Variants in FPGS observed in about 807,000 individuals in gnomAD.
The protein encoded by FPGS is folylpolyglutamate synthase, mitochondrial.
In FPGS, 53 loss-of-function variants were observed where a neutral mutation model predicts 66.5. That is an observed-to-expected ratio of 0.80 (90% CI 0.64 to 1.00). The LOEUF (loss-of-function observed/expected upper bound fraction) is 1.00, where lower values mean the gene tolerates loss of function less well. FPGS is among the 50% of genes least tolerant of loss of function. The probability of loss-of-function intolerance (pLI) is 0.00; values close to 1 mark genes in which losing one functional copy is unlikely to be tolerated. For missense variants in FPGS, 702 were observed against 807.7 expected (o/e 0.87, Z 1.59); for synonymous variants, 348 against 350.9 (o/e 0.99, Z 0.09).
intron 4 of FPGS, 106 bp downstream of exon 4, chr9:127,804,806 C>A: frequency 2.0e-6 from 2 of 996,656 alleles, no homozygotes; most frequent in Non-Finnish European, 1.6e-6. Context: ...AGGTCAGCTG[C>A]ATGTCTCTCT....
In FPGS at chr9:127,807,096, T is replaced by C. The variant is rs375239938; in HGVS notation, c.501+9T>C. On this transcript the variant is annotated intron_variant, in intron 5 of 14. Coordinates refer to ENST00000373247, the MANE Select transcript of FPGS (RefSeq NM_004957.6). This position sits in a 1 kb window ranked among gnomAD's most constrained non-coding sequence, Gnocchi z 5.8. ...GGCTGGAGGAGACCAAGGTGCCGCA[T>C]GCAGGAGGGCTGGCGGGTGGGTATG... The C allele has an allele frequency of 1.8e-5, 29 of 1,612,858 alleles. No homozygotes were observed. The highest frequency in any genetic ancestry group is 2.3e-5 in the Non-Finnish European group (27 of 1,178,872).
intron 14 of FPGS, among the ~76,000 whole-genome samples, chr9:127,812,479 C>T (rs551600473): frequency 2.6e-5 from 4 of 151,746 alleles, no homozygotes; most frequent in East Asian, 3.9e-4. Context: ...TACAGGTGCA[C>T]GCCACTACAC....
rs866916080 is a variant in FPGS, at chr9:127,810,980, C to T, written c.1323C>T (p.Asn441=). 2.8e-5 allele frequency: 44 copies of T among 1,590,132 alleles called. 4 individuals carry two copies. The Middle Eastern group carries it at 6.7e-3, about 241-fold the overall frequency. ...CQFDYAVFCP[N]LTEVSSTGNA... ...TTGACTATGCCGTCTTCTGCCCTAA[C>T]CTGACAGAGGTGTCATCCACAGGCA... Residue 441 remains asparagine (N), a synonymous_variant, in exon 14 of 15, where the codon AAC becomes AAT. Coordinates refer to ENST00000373247, the MANE Select transcript of FPGS (RefSeq NM_004957.6).
rs973692551 is a variant in FPGS, at chr9:127,804,297, A to G, written c.151A>G (p.Met51Val). ...PSMEYQDAVR[M>V]LNTLQTNAGY... ...CTGTGGTTGCCAGGATGCCGTGCGC[A>G]TGCTCAATACCCTGCAGACCAATGC... The change falls in exon 2 of 15, where the codon ATG becomes GTG. Residue 51 changes from methionine (M) to valine (V), a missense_variant. By Grantham distance (21) the Met-to-Val change is conservative. Around this residue, in one of 3 missense-constraint regions of FPGS, gnomAD observed 111 missense variants for 95.4 expected, o/e 1.16. Coordinates refer to ENST00000373247, the MANE Select transcript of FPGS (RefSeq NM_004957.6). 8 of 1,614,048 alleles carry G rather than the reference A, an allele frequency of 5.0e-6. No homozygotes were observed. The South Asian group carries it at 6.6e-5, about 13-fold the overall frequency.
At chr9:127,808,481 TG>T in intron 9 of FPGS, 76 bp from the exon 10 acceptor site, 1 of 1,583,486 alleles carries the variant, frequency 6.3e-7, no homozygotes. Flanking sequence ...GCTTGGTGGC[TG>T]GGGGAGGGGA....
At chr9:127,806,871 G>A (rs141588176) in intron 4 of FPGS, 102 bp from the exon 5 acceptor site, 1 of 841,342 alleles carries the variant, frequency 1.2e-6, no homozygotes, top group East Asian at 2.4e-5. Context: ...GAGGGACACA[G>A]GAGAGATGAG....
At position 127,809,777 on chromosome 9, in the gene FPGS, C is replaced by T. The variant is rs533659490; in HGVS notation, c.1154C>T (p.Ala385Val). 7.9e-5 allele frequency: 124 copies of T among 1,563,476 alleles called. 1 individual carries two copies. The African/African-American group carries it at 1.3e-3, about 17-fold the overall frequency. The change falls in exon 12 of 15, where the codon GCG becomes GTG. Residue 385 changes from alanine (A) to valine (V), a missense_variant. By Grantham distance (64) the Ala-to-Val change is moderately conservative. Transcript: ENST00000373247. ...GACGGTGCGCACACCGCCAGCAGCGCGCAGGCCTGCGTGCGCTGGTTCCGC... is the reference window on the plus strand; with the variant it reads ...GACGGTGCGCACACCGCCAGCAGCGTGCAGGCCTGCGTGCGCTGGTTCCGC... ...YLDGAHTASS[A>V]QACVRWFRQA...
At chr9:127,803,966 G>A (rs1829710695) in intron 1 of FPGS, among the ~76,000 whole-genome samples, 1 of 152,236 alleles carries the variant, frequency 6.6e-6, no homozygotes, top group African/African-American at 2.4e-5. Context: ...CCCCATTGGA[G>A]AGAATGAGGG....
intron 1 of FPGS, 48 bp from the exon 2 acceptor site, chr9:127,804,237 G>A: frequency 6.3e-7 from 1 of 1,596,722 alleles, no homozygotes; most frequent in African/African-American, 1.3e-5. Flanking sequence ...CTGTGCCTGT[G>A]GACCCTGAGT....
chr9:127,808,198 T>C (rs1226488071), intron 8 of FPGS, 36 bp from the exon 9 acceptor site: 1 of 1,520,384 alleles, frequency 6.6e-7, no homozygotes, highest in African/African-American at 1.4e-5. Flanking sequence ...TGGAGGATGC[T>C]AGGTAGCCCT....
chr9:127,810,335 C>T (rs1334858693), intron 13 of FPGS, among the ~76,000 whole-genome samples: 1 of 152,108 alleles, frequency 6.6e-6, no homozygotes, highest in Admixed American at 6.5e-5. Context: ...AAGAGGAGGG[C>T]CAGATCGTGG....
downstream of FPGS, chr9:127,814,161 C>T: frequency 1.0e-6 from 1 of 985,780 alleles, no homozygotes; most frequent in Non-Finnish European, 1.2e-6. Context: ...TAGAGGGAGC[C>T]TGGCTGTGTG....
chr9:127,807,606 T>G lies in FPGS; in HGVS notation c.662T>G (p.Val221Gly). 6.2e-7 allele frequency: 1 copy of G among 1,612,316 alleles called. No individual in the cohort carries two copies. The highest frequency in any genetic ancestry group is 8.5e-7 in the Non-Finnish European group (1 of 1,179,468). Reference protein sequence around the residue: ...NIIRKPVVCGVSSLGIDHTSL... With the variant: ...NIIRKPVVCGGSSLGIDHTSL... ...TGCAGGAAGCCTGTGGTGTGCGGAG[T>G]CTCCTCTCTTGGCATCGACCACACC... Residue 221 changes from valine (V) to glycine (G), a missense_variant, in exon 8 of 15, where the codon GTC (valine) becomes GGC (glycine). Val to Gly is a moderately radical substitution (Grantham distance 109). This residue lies in a region of FPGS where 240 missense variants were observed against 348.6 expected (regional missense o/e 0.69). Transcript: ENST00000373247. The surrounding 1 kb of genome is among the most constrained non-coding windows in gnomAD (Gnocchi z 5.8).
At chr9:127,810,448 G>A (rs571070048) in intron 13 of FPGS, among the ~76,000 whole-genome samples, 14 of 152,224 alleles carry the variant, frequency 9.2e-5, no homozygotes, top group African/African-American at 3.1e-4. Context: ...TTGCCTCTCC[G>A]TAAAATGGGG....
At chr9:127,811,114 T>C in intron 14 of FPGS, 103 bp downstream of exon 14, 1 of 619,604 alleles carries the variant, frequency 1.6e-6, no homozygotes, top group Non-Finnish European at 2.9e-6. Flanking sequence ...AAATTTGTTT[T>C]ACTGTGTAAG....
rs1164849778 is a variant in FPGS, at chr9:127,813,090, A to G, written c.1355-105A>G. Reference sequence around the variant, plus strand: ...GAGACTGCTGGCCTGATGACGTAAAAGGCTTGGTGCGAAGCAGGTGCTCAC... The same window carrying G: ...GAGACTGCTGGCCTGATGACGTAAAGGGCTTGGTGCGAAGCAGGTGCTCAC... On this transcript the variant is annotated intron_variant, in intron 14 of 14. Transcript: ENST00000373247. The G allele has an allele frequency of 8.9e-6, 13 of 1,466,162 alleles. No homozygotes were observed. The Admixed American group carries it at 2.7e-4, about 31-fold the overall frequency. The allele number at this position is 1,466,162 out of a possible 1,614,324, so 90.8% of individuals were successfully genotyped here.
intron 14 of FPGS, among the ~76,000 whole-genome samples, chr9:127,812,821 C>A: frequency 6.6e-6 from 1 of 152,146 alleles, no homozygotes; most frequent in East Asian, 1.9e-4. Flanking sequence ...GCCACTGCAC[C>A]CAGCCTGGAA....
At chr9:127,804,187 C>A in intron 1 of FPGS, 98 bp from the exon 2 acceptor site, 2 of 1,494,322 alleles carry the variant, frequency 1.3e-6, no homozygotes, top group South Asian at 1.3e-5. Flanking sequence ...CTGGTACTGG[C>A]CTTGTTGCCC....
intron 14 of FPGS, among the ~76,000 whole-genome samples, chr9:127,811,828 C>A (rs1004826715): frequency 2.6e-5 from 4 of 151,402 alleles, no homozygotes; most frequent in Non-Finnish European, 4.4e-5. Flanking sequence ...ATAGAAAATA[C>A]CAGTGTACGT....
Sources: gnomAD v4.1 joint callset for allele counts (sites outside exome capture counted in the v4.1 genomes callset) on GRCh38, gnomAD v4.1.1 for gene constraint, gnomAD v4.1.1 regional missense constraint, Gnocchi (gnomAD v3.1) non-coding constraint, MANE v1.5 for transcripts, NCBI Gene and HGNC (gene_info 2026-07-23, HGNC 2026-07-21) for gene names.